The following SBF2 variants were observed in gnomAD, a reference collection of about 807,000 sequenced individuals.
SBF2 encodes the protein myotubularin-related protein 13.
In SBF2, 112 loss-of-function variants were observed where a neutral mutation model predicts 225.2. The ratio of observed to expected loss-of-function variants is 0.50; its 90% CI spans 0.43 to 0.58. The LOEUF (loss-of-function observed/expected upper bound fraction) is 0.58. Among genes scored for constraint, SBF2 ranks in the 20% least tolerant of loss-of-function variants. The pLI, the probability that SBF2 is intolerant of heterozygous loss-of-function variation, is 0.00. For synonymous variants in SBF2, 763 were observed against 773.3 expected (o/e 0.99, Z 0.22); for missense variants, 1,996 against 2,206.2 (o/e 0.90, Z 1.91).
chr11:10,125,539 T>C (rs1008172738), intron 2 of SBF2, among the ~76,000 whole-genome samples: 1 of 152,192 alleles, frequency 6.6e-6, no homozygotes, highest in African/African-American at 2.4e-5. Context: ...TGTCTGTCTG[T>C]CATATCTTTA....
chr11:10,188,525 G>C (rs932738960), intron 2 of SBF2, among the ~76,000 whole-genome samples: 3 of 152,124 alleles, frequency 2.0e-5, no homozygotes, highest in African/African-American at 7.2e-5. Flanking sequence ...AGTGAAGTAC[G>C]TGACTGTAGG....
intron 16 of SBF2, among the ~76,000 whole-genome samples, chr11:9,936,435 C>G (rs1316424367): frequency 1.3e-5 from 2 of 152,200 alleles, no homozygotes; most frequent in Admixed American, 6.5e-5. Flanking sequence ...GCATTTCACC[C>G]AGCAATCCCA....
At chr11:10,063,858 C>CAGAGAGAGAGAG (rs1555006975) in intron 2 of SBF2, among the ~76,000 whole-genome samples, 16 of 136,164 alleles carry the variant, frequency 1.2e-4, no homozygotes, top group African/African-American at 3.8e-4. Flanking sequence ...CACACACACA[C>CAGAGAGAGAGAG]AGAGAGAGAG....
intron 1 of SBF2, among the ~76,000 whole-genome samples, chr11:10,195,730 T>C (rs1052107688): frequency 3.3e-5 from 5 of 152,196 alleles, no homozygotes; most frequent in African/African-American, 1.2e-4. Context: ...AACTCAGAAC[T>C]GTATTCTGAA....
Position 10,004,139 on chromosome 11 carries a change from C to T in SBF2, c.620-1450G>A, listed in dbSNP as rs1050868418. On this transcript the variant is annotated intron_variant, in intron 6 of 39. Coordinates refer to ENST00000256190, the MANE Select transcript of SBF2 (RefSeq NM_030962.4). ...AGTTTCGTAAGTGATTTTCCTAATC[C>T]AGTCCTTATTCCCTTCAAATCTACC... Among the ~76,000 whole-genome samples, 6 of 152,058 alleles carry T rather than the reference C, an allele frequency of 3.9e-5. No individual in the cohort carries two copies. The East Asian group carries it at 1.2e-3, about 29-fold the overall frequency.
rs1160029204 is a variant in SBF2, at chr11:9,849,165, G to T, written c.2806+858C>A. Among the ~76,000 whole-genome samples, 14 of 152,130 alleles carry T rather than the reference G, an allele frequency of 9.2e-5. 2 individuals are homozygous for T. The South Asian group carries it at 2.7e-3, about 29-fold the overall frequency. On this transcript the variant is annotated intron_variant, in intron 22 of 39. Transcript: ENST00000256190. Reference sequence around the variant, plus strand: ...ATTCTAATACAATTGTTTGAGGGTTGGGCCCAGAAACTGGTATTTTTTTTT... The same window carrying T: ...ATTCTAATACAATTGTTTGAGGGTTTGGCCCAGAAACTGGTATTTTTTTTT...
intron 17 of SBF2, among the ~76,000 whole-genome samples, chr11:9,859,345 A>T (rs142792650): frequency 1.3e-5 from 2 of 152,244 alleles, no homozygotes; most frequent in African/African-American, 4.8e-5. Flanking sequence ...AAAAACTTGT[A>T]TAACATTGCA....
At chr11:10,093,083 C>A (rs1274325025) in intron 2 of SBF2, among the ~76,000 whole-genome samples, 1 of 151,256 alleles carries the variant, frequency 6.6e-6, no homozygotes, top group Non-Finnish European at 1.5e-5. Context: ...GTGGCATGAA[C>A]CCTGATCACT....
chr11:10,051,045 G>A (rs1052690242), intron 2 of SBF2, among the ~76,000 whole-genome samples: 1 of 152,066 alleles, frequency 6.6e-6, no homozygotes, highest in African/African-American at 2.4e-5. Context: ...TTTCTCAAAT[G>A]CTTTGCACAT....
chr11:10,070,570 T>C (rs1249417658), intron 2 of SBF2, among the ~76,000 whole-genome samples: 2 of 152,232 alleles, frequency 1.3e-5, no homozygotes, highest in African/African-American at 2.4e-5. Context: ...AGCCTTGTAG[T>C]ATAGTTTGAA....
intron 2 of SBF2, among the ~76,000 whole-genome samples, chr11:10,043,642 A>G (rs1949742420): frequency 6.6e-6 from 1 of 152,074 alleles, no homozygotes; most frequent in African/African-American, 2.4e-5. Flanking sequence ...TGGCATGATC[A>G]CAGCTCACTT....
intron 1 of SBF2, among the ~76,000 whole-genome samples, chr11:10,261,267 A>G (rs1482669809): frequency 1.3e-5 from 2 of 152,280 alleles, no homozygotes; most frequent in East Asian, 3.9e-4. Flanking sequence ...CAGTGGTACC[A>G]TCTTTGCTCA....
intron 2 of SBF2, among the ~76,000 whole-genome samples, chr11:10,116,113 G>A (rs1446535414): frequency 2.0e-5 from 3 of 152,088 alleles, no homozygotes; most frequent in Non-Finnish European, 4.4e-5. Context: ...AGCTTGCCGT[G>A]AGCCGAGATC....
chr11:9,916,416 C>T lies in SBF2; in HGVS notation c.1861-20405G>A, dbSNP rs575461706. ...TTTTGAAATTCAAAATCCAGTTGCA[C>T]ACAATGAATGAAATATATTTATATC... On this transcript the variant is annotated intron_variant, in intron 16 of 39. Coordinates refer to ENST00000256190, the MANE Select transcript of SBF2 (RefSeq NM_030962.4). Among the ~76,000 whole-genome samples, 6 of 152,236 alleles carry T rather than the reference C, an allele frequency of 3.9e-5. No individual in the cohort carries two copies. In the South Asian group the frequency reaches 1.2e-3, roughly 32 times the overall value.
At chr11:10,304,219 G>A (rs1964627087) in intron 1 of SBF2, among the ~76,000 whole-genome samples, 1 of 152,200 alleles carries the variant, frequency 6.6e-6, no homozygotes, top group African/African-American at 2.4e-5. Flanking sequence ...AAAATGATTA[G>A]CATACGTGAA....
intron 38 of SBF2, among the ~76,000 whole-genome samples, chr11:9,782,247 CTAATGTTTAGTAA>C (rs1852061770): frequency 6.7e-6 from 1 of 150,340 alleles, no homozygotes. Flanking sequence ...AAAAAGAGGG[CTAATGTTTAGTAA>C]TATACAGAAT....
chr11:9,880,023 G>A (rs770379529), intron 17 of SBF2, among the ~76,000 whole-genome samples: 5 of 143,910 alleles, frequency 3.5e-5, no homozygotes, highest in Non-Finnish European at 7.5e-5. Context: ...TGTGGAGGTT[G>A]CAGTGAGATG....
chr11:9,832,535 T>C (rs1478007900), intron 26 of SBF2, 115 bp from the exon 27 acceptor site: 4 of 725,202 alleles, frequency 5.5e-6, no homozygotes, highest in South Asian at 4.6e-5. Context: ...TGAATACTAA[T>C]ATCATAGTAA....
intron 2 of SBF2, among the ~76,000 whole-genome samples, chr11:10,172,962 C>G (rs189617897): frequency 6.6e-6 from 1 of 152,230 alleles, no homozygotes; most frequent in Non-Finnish European, 1.5e-5. Context: ...GCCAGCGTGC[C>G]TGGCCTTAAT....
Sources: gnomAD v4.1 joint callset for allele counts (sites outside exome capture counted in the v4.1 genomes callset) on GRCh38, gnomAD v4.1.1 for gene constraint, MANE v1.5 for transcripts, NCBI Gene and HGNC (gene_info 2026-07-23, HGNC 2026-07-21) for gene names.